The following AUTS2 variants were observed in gnomAD, a reference collection of about 807,000 sequenced individuals.
The protein encoded by AUTS2 is activator of transcription and developmental regulator AUTS2, also known as autism susceptibility gene 2 protein.
A neutral mutation model predicts 112.4 loss-of-function variants in AUTS2; 17 were observed. That is an observed-to-expected ratio of 0.15 (90% CI 0.10 to 0.23). The LOEUF (loss-of-function observed/expected upper bound fraction) is 0.23. Among genes scored for constraint, AUTS2 ranks in the 10% least tolerant of loss-of-function variants. AUTS2 has a pLI of 1.00. For synonymous variants in AUTS2, 751 were observed against 702.7 expected (o/e 1.07, Z -1.09); for missense variants, 1,510 against 1,701.6 (o/e 0.89, Z 1.98).
chr7:69,631,758 A>G (rs1286230070), intron 1 of AUTS2, among the ~76,000 whole-genome samples: 3 of 152,212 alleles, frequency 2.0e-5, no homozygotes, highest in Admixed American at 2.0e-4. Flanking sequence ...AAATCCCCAA[A>G]TAACACTGTT....
At chr7:69,768,415 A>C (rs1452618151) in intron 1 of AUTS2, among the ~76,000 whole-genome samples, 2 of 152,230 alleles carry the variant, frequency 1.3e-5, no homozygotes, top group Non-Finnish European at 2.9e-5. Flanking sequence ...AGACACACAG[A>C]ACGGAGGTTA....
At chr7:69,998,606 G>A (rs982910854) in intron 2 of AUTS2, among the ~76,000 whole-genome samples, 1 of 152,208 alleles carries the variant, frequency 6.6e-6, no homozygotes, top group African/African-American at 2.4e-5. Flanking sequence ...TATTTATTGA[G>A]CTCCTAACAT....
chr7:69,873,179 G>A (rs1457909943), intron 1 of AUTS2, among the ~76,000 whole-genome samples: 1 of 152,086 alleles, frequency 6.6e-6, no homozygotes, highest in Non-Finnish European at 1.5e-5. Context: ...GAGGAAAAAA[G>A]ATTAATGTTC....
chr7:70,308,093 T>G (rs1186992375), intron 4 of AUTS2, among the ~76,000 whole-genome samples: 1 of 152,222 alleles, frequency 6.6e-6, no homozygotes, highest in African/African-American at 2.4e-5. Flanking sequence ...ACATTGTTTC[T>G]CTCATGCTAA....
chr7:69,751,683 G>A (rs2058395), intron 1 of AUTS2, among the ~76,000 whole-genome samples: 108,795 of 152,048 alleles, frequency 0.72, 38,997 homozygotes, highest in East Asian at 0.78. Context: ...TTACTTGTTC[G>A]ATTTATTGCA....
intron 1 of AUTS2, among the ~76,000 whole-genome samples, chr7:69,773,492 TTTTTCCCC>T (rs1554366800): frequency 1.3e-5 from 2 of 148,512 alleles, no homozygotes; most frequent in Non-Finnish European, 3.0e-5. Context: ...AAGAAAAACC[TTTTTCCCC>T]AAGCCTTTGG....
At position 70,396,742 on chromosome 7, in the gene AUTS2, A is replaced by G. The variant is rs999474482; in HGVS notation, c.661-39010A>G. 2.6e-5 allele frequency among the ~76,000 whole-genome samples: 4 copies of G among 152,180 alleles called. No homozygotes were observed. In the South Asian group the frequency reaches 6.2e-4, roughly 24 times the overall value. On this transcript the variant is annotated intron_variant, in intron 4 of 18. Transcript: ENST00000342771. ...ATTTCTTTCTTTCGCTGAGTAGTGT[A>G]TGGATATACCATAATTATTTACCTT... is the stretch of plus-strand genomic sequence containing the variant.
At chr7:69,777,690 G>T (rs1365253776) in intron 1 of AUTS2, among the ~76,000 whole-genome samples, 6 of 152,196 alleles carry the variant, frequency 3.9e-5, no homozygotes, top group Non-Finnish European at 8.8e-5. Flanking sequence ...ATTTACAAAT[G>T]ATTTTTTGTT....
intron 1 of AUTS2, among the ~76,000 whole-genome samples, chr7:69,760,834 ATAAT>A (rs1343501913): frequency 6.6e-6 from 1 of 152,184 alleles, no homozygotes; most frequent in Non-Finnish European, 1.5e-5. Flanking sequence ...AATAATAATA[ATAAT>A]TATAAGTGAC....
At chr7:70,635,548 A>T (rs949950231) in intron 5 of AUTS2, among the ~76,000 whole-genome samples, 22 of 152,172 alleles carry the variant, frequency 1.4e-4, no homozygotes, top group African/African-American at 5.1e-4. Context: ...TGGGCAAGTC[A>T]TACACAGAGA....
At chr7:70,323,844 T>A (rs1397196070) in intron 4 of AUTS2, among the ~76,000 whole-genome samples, 1 of 152,230 alleles carries the variant, frequency 6.6e-6, no homozygotes, top group East Asian at 1.9e-4. Flanking sequence ...TAATTGAACA[T>A]GTCCTATTGA....
At chr7:70,358,674 C>T (rs1298973108) in intron 4 of AUTS2, among the ~76,000 whole-genome samples, 2 of 152,210 alleles carry the variant, frequency 1.3e-5, no homozygotes, top group Non-Finnish European at 2.9e-5. Flanking sequence ...AATGTGTCAG[C>T]TAGGTGGGCC....
chr7:69,823,530 C>T (rs62457248), intron 1 of AUTS2, among the ~76,000 whole-genome samples: 2,210 of 152,306 alleles, frequency 0.015, 30 homozygotes, highest in South Asian at 0.022. Context: ...GTAGATCACC[C>T]CTGCTGTTAA....
In AUTS2 at chr7:69,787,343, T is replaced by C. The variant is rs569990451; in HGVS notation, c.310-111943T>C. Among the ~76,000 whole-genome samples the C allele has an allele frequency of 3.3e-5, 5 of 152,306 alleles. No homozygotes were observed. In the East Asian group the frequency reaches 9.6e-4, roughly 29 times the overall value. On this transcript the variant is annotated intron_variant, in intron 1 of 18. Transcript: ENST00000342771. ...GAAACAAGGAAAATCTAGACACTCT[T>C]TTTCTGTCATAGAAAGATAGCCTAG...
chr7:70,211,099 A>G (rs576071540), intron 4 of AUTS2, among the ~76,000 whole-genome samples: 4 of 152,030 alleles, frequency 2.6e-5, no homozygotes, highest in African/African-American at 7.2e-5. Flanking sequence ...TTATGTGTCT[A>G]TTTCACAGTC....
At chr7:69,619,423 C>G (rs10256943) in intron 1 of AUTS2, among the ~76,000 whole-genome samples, 11,531 of 152,094 alleles carry the variant, frequency 0.076, 597 homozygotes, top group African/African-American at 0.14. Flanking sequence ...TTTAGAAAAC[C>G]TGGAGTCACA....
intron 2 of AUTS2, among the ~76,000 whole-genome samples, chr7:69,978,126 T>G (rs576654868): frequency 4.8e-4 from 73 of 152,310 alleles, no homozygotes; most frequent in African/African-American, 1.7e-3. Context: ...TAATTGCCTT[T>G]TATTATCTTC....
intron 1 of AUTS2, among the ~76,000 whole-genome samples, chr7:69,888,669 C>T (rs190985535): frequency 6.0e-4 from 91 of 151,006 alleles, no homozygotes; most frequent in Non-Finnish European, 9.9e-4. Context: ...GCAACTTCTA[C>T]CTCCTGGGTT....
chr7:69,703,691 G>A (rs1483825237), intron 1 of AUTS2, among the ~76,000 whole-genome samples: 16 of 152,138 alleles, frequency 1.1e-4, no homozygotes, highest in Admixed American at 1.0e-3. Context: ...CAATAAAATA[G>A]CTCCCAGGGA....
Sources: gnomAD v4.1 joint callset for allele counts (sites outside exome capture counted in the v4.1 genomes callset) on GRCh38, gnomAD v4.1.1 for gene constraint, MANE v1.5 for transcripts, NCBI Gene and HGNC (gene_info 2026-07-23, HGNC 2026-07-21) for gene names.